SLC7A11: variants seen among roughly 807,000 people sequenced by gnomAD.
SLC7A11 encodes the protein cystine/glutamate transporter.
Under a neutral mutation model 54.5 loss-of-function variants are expected in SLC7A11, and 35 were observed. The ratio of observed to expected loss-of-function variants is 0.64; its 90% CI spans 0.49 to 0.85. The LOEUF is 0.85. Ranked by LOEUF, SLC7A11 falls within the 40% of genes least tolerant of loss-of-function variation. The pLI, the probability that SLC7A11 is intolerant of heterozygous loss-of-function variation, is 0.00. For synonymous variants in SLC7A11, 230 were observed against 225.2 expected (o/e 1.02, Z -0.19); for missense variants, 583 against 618.1 (o/e 0.94, Z 0.60).
chr4:138,233,549 C>T (rs1738133790), intron 2 of SLC7A11, among the ~76,000 whole-genome samples: 1 of 152,098 alleles, frequency 6.6e-6, no homozygotes, highest in Non-Finnish European at 1.5e-5. Context: ...GGTTACCCAA[C>T]ATTCATGCCC....
At chr4:138,173,192 C>T (rs1240576152) in intron 11 of SLC7A11, among the ~76,000 whole-genome samples, 3 of 152,122 alleles carry the variant, frequency 2.0e-5, no homozygotes, top group Non-Finnish European at 2.9e-5. Flanking sequence ...TTTTCAATGT[C>T]CTGCTAGTCC....
At chr4:138,228,580 AAC>A (rs1265275631) in intron 3 of SLC7A11, among the ~76,000 whole-genome samples, 4 of 151,752 alleles carry the variant, frequency 2.6e-5, no homozygotes, top group Non-Finnish European at 4.4e-5. Flanking sequence ...AACATGGTGA[AAC>A]TCCGTCTCTA....
chr4:138,236,601 C>T (rs1158372859), intron 1 of SLC7A11, 150 bp from the exon 2 acceptor site: 2 of 696,758 alleles, frequency 2.9e-6, no homozygotes, highest in Admixed American at 5.9e-5. Context: ...AAATAACCAT[C>T]ATCTAATTGC....
intron 6 of SLC7A11, among the ~76,000 whole-genome samples, chr4:138,208,711 T>C (rs1230927818): frequency 6.6e-6 from 1 of 152,060 alleles, no homozygotes; most frequent in African/African-American, 2.4e-5. Context: ...CTTTGGACAT[T>C]CATGTCCCTC....
intron 4 of SLC7A11, among the ~76,000 whole-genome samples, chr4:138,220,088 C>T (rs957394717): frequency 1.2e-4 from 18 of 152,018 alleles, no homozygotes; most frequent in East Asian, 5.8e-4. Context: ...TACAGGAGCG[C>T]GCCATCATGC....
chr4:138,227,421 G>C (rs1381326444), intron 3 of SLC7A11, among the ~76,000 whole-genome samples: 2 of 152,066 alleles, frequency 1.3e-5, no homozygotes, highest in Non-Finnish European at 2.9e-5. Context: ...TTTGTATCTA[G>C]GATCTCACTA....
At chr4:138,186,439 C>G (rs1416009517) in intron 6 of SLC7A11, among the ~76,000 whole-genome samples, 1 of 152,134 alleles carries the variant, frequency 6.6e-6, no homozygotes, top group Non-Finnish European at 1.5e-5. Context: ...AGCGATATCC[C>G]CTGTTGAAAA....
rs1560712474 is a variant in SLC7A11, at chr4:138,168,726, G to C, written c.*3230C>G. Reference sequence around the variant, plus strand: ...AATTTTGTGTCCACAGGGCTGAGGAGCTACAGTCTAAATGCATACGCATGT... The same window carrying C: ...AATTTTGTGTCCACAGGGCTGAGGACCTACAGTCTAAATGCATACGCATGT... On this transcript the variant is annotated 3_prime_UTR_variant, in exon 12 of 12. Coordinates refer to ENST00000280612, the MANE Select transcript of SLC7A11 (RefSeq NM_014331.4). 6.6e-6 allele frequency: 1 copy of C among 152,160 alleles called. No homozygotes were observed. The highest frequency in any genetic ancestry group is 1.5e-5 in the Non-Finnish European group (1 of 68,042). 9.4% of individuals were successfully genotyped at this position (152,160 alleles called of 1,614,324 possible). A position where few individuals can be genotyped will look rare whatever the true frequency, so the allele number is the denominator to read the frequency against.
intron 5 of SLC7A11, among the ~76,000 whole-genome samples, chr4:138,216,619 C>A (rs190636689): frequency 6.8e-4 from 103 of 152,268 alleles, no homozygotes; most frequent in African/African-American, 2.2e-3. Context: ...CAGCATTCCT[C>A]AGAGACAAAA....
At position 138,171,895 on chromosome 4, in the gene SLC7A11, GT is replaced by G; in HGVS notation, c.*60del. 1 of 1,548,048 alleles carries G rather than the reference GT, an allele frequency of 6.5e-7. No homozygotes were observed. Among genetic ancestry groups the G allele is most frequent in the Non-Finnish European group, 8.6e-7 (1 of 1,158,256 alleles). ...ATTCTCTAGACTTTCAGAAAATGAA[GT>G]AAAAATCCCTATTTTGTGTCTCCCC... On this transcript the variant is annotated 3_prime_UTR_variant, in exon 12 of 12. Coordinates refer to ENST00000280612, the MANE Select transcript of SLC7A11 (RefSeq NM_014331.4).
chr4:138,235,112 T>C (rs1360193261), intron 2 of SLC7A11, among the ~76,000 whole-genome samples: 1 of 152,078 alleles, frequency 6.6e-6, no homozygotes, highest in African/African-American at 2.4e-5. Flanking sequence ...TCATGCTCAA[T>C]GCCAAATGTG....
intron 3 of SLC7A11, 72 bp from the exon 4 acceptor site, chr4:138,223,396 TCAA>T (rs1398920195): frequency 1.3e-6 from 2 of 1,519,804 alleles, no homozygotes; most frequent in Non-Finnish European, 1.8e-6. Flanking sequence ...TCCTTGTTAC[TCAA>T]AGGGCAATCT....
intron 7 of SLC7A11, 71 bp from the exon 8 acceptor site, chr4:138,183,376 A>G: frequency 1.0e-6 from 1 of 985,118 alleles, no homozygotes; most frequent in East Asian, 2.6e-5. Context: ...AATTTAGGCC[A>G]AACTTGCTCT....
chr4:138,172,837 CT>C (rs974329897), intron 11 of SLC7A11, among the ~76,000 whole-genome samples: 1 of 152,034 alleles, frequency 6.6e-6, no homozygotes. Context: ...TTGTTTGCCT[CT>C]TTTTTTGTTT....
chr4:138,188,660 A>C (rs533794687), intron 6 of SLC7A11, among the ~76,000 whole-genome samples: 153 of 152,334 alleles, frequency 1.0e-3, no homozygotes, highest in Non-Finnish European at 1.9e-3. Flanking sequence ...TTAGACGCAC[A>C]GCGCAGATAG....
chr4:138,189,786 A>G (rs1384851148), intron 6 of SLC7A11, among the ~76,000 whole-genome samples: 1 of 152,148 alleles, frequency 6.6e-6, no homozygotes, highest in Non-Finnish European at 1.5e-5. Context: ...AGAAATGACT[A>G]TTGTTTCCAG....
Position 138,236,401 on chromosome 4 carries a change from G to T in SLC7A11, c.328C>A (p.His110Asn). ...LGTTIKKSGG[H>N]YTYILEVFGP... ...AAGACTTCCAAAATATATGTGTAAT[G>T]ACCTCCAGATTTCTTTATAGTTGTT... Residue 110 changes from histidine to asparagine, a missense_variant, in exon 2 of 12, where the codon CAT becomes AAT. Transcript: ENST00000280612. 1 of 1,612,806 alleles carries T rather than the reference G, an allele frequency of 6.2e-7. No homozygotes were observed. The highest frequency in any genetic ancestry group is 1.7e-5 in the Admixed American group (1 of 59,972).
intron 6 of SLC7A11, among the ~76,000 whole-genome samples, chr4:138,198,405 T>C (rs1369862771): frequency 6.6e-6 from 1 of 152,156 alleles, no homozygotes; most frequent in Non-Finnish European, 1.5e-5. Flanking sequence ...GAATCACCAA[T>C]ATTCATGCTC....
chr4:138,234,385 A>G (rs990130629), intron 2 of SLC7A11, among the ~76,000 whole-genome samples: 7 of 152,274 alleles, frequency 4.6e-5, no homozygotes, highest in African/African-American at 1.7e-4. Flanking sequence ...GAAGAGAAAT[A>G]TTTACATACT....
Sources: gnomAD v4.1 joint callset for allele counts (sites outside exome capture counted in the v4.1 genomes callset) on GRCh38, gnomAD v4.1.1 for gene constraint, MANE v1.5 for transcripts, NCBI Gene and HGNC (gene_info 2026-07-23, HGNC 2026-07-21) for gene names.